The following DGKI variants were observed in gnomAD, a reference collection of about 807,000 sequenced individuals.
DGKI encodes the protein diacylglycerol kinase iota.
A neutral mutation model predicts 147.5 loss-of-function variants in DGKI; 55 were observed. The observed-to-expected ratio is 0.37, with a 90% CI of 0.30 to 0.47. DGKI has a LOEUF of 0.47. DGKI is among the 20% of genes least tolerant of loss of function. DGKI has a pLI of 1.00. For synonymous variants in DGKI, 469 were observed against 477.1 expected (o/e 0.98, Z 0.22); for missense variants, 1,007 against 1,323.8 (o/e 0.76, Z 3.71).
intron 27 of DGKI, among the ~76,000 whole-genome samples, chr7:137,445,341 A>T (rs993154266): frequency 7.9e-5 from 12 of 152,182 alleles, no homozygotes; most frequent in African/African-American, 2.7e-4. Context: ...CTTAAAGTAG[A>T]CTTTTTCATG....
chr7:137,747,647 C>T (rs1404327658), intron 1 of DGKI, among the ~76,000 whole-genome samples: 1 of 152,146 alleles, frequency 6.6e-6, no homozygotes, highest in South Asian at 2.1e-4. Flanking sequence ...ACCCTTCATT[C>T]CTTCCTTGCT....
At chr7:137,721,016 G>A (rs1010340182) in intron 1 of DGKI, among the ~76,000 whole-genome samples, 4 of 152,136 alleles carry the variant, frequency 2.6e-5, no homozygotes, top group Non-Finnish European at 4.4e-5. Flanking sequence ...ACAAATCATA[G>A]GATACCTTTT....
chr7:137,538,244 A>G (rs1381447732), intron 20 of DGKI, among the ~76,000 whole-genome samples: 1 of 152,196 alleles, frequency 6.6e-6, no homozygotes, highest in African/African-American at 2.4e-5. Flanking sequence ...AAATTCTTAA[A>G]CTCAACCTAA....
intron 12 of DGKI, among the ~76,000 whole-genome samples, chr7:137,590,156 T>G (rs1434177058): frequency 1.3e-5 from 2 of 152,362 alleles, no homozygotes; most frequent in Admixed American, 1.3e-4. Flanking sequence ...GCTGGGATTT[T>G]GGCTTGCCTG....
At chr7:137,623,976 A>G (rs768770427) in intron 6 of DGKI, among the ~76,000 whole-genome samples, 2 of 152,178 alleles carry the variant, frequency 1.3e-5, no homozygotes, top group African/African-American at 4.8e-5. Flanking sequence ...CAGAAAAAAA[A>G]AAAGAAATGA....
chr7:137,504,391 T>C (rs1232428866), intron 21 of DGKI, among the ~76,000 whole-genome samples: 1 of 152,170 alleles, frequency 6.6e-6, no homozygotes, highest in African/African-American at 2.4e-5. Context: ...TGTGATACCT[T>C]AGAGAAAAGC....
chr7:137,444,454 G>A (rs957165401), intron 27 of DGKI, among the ~76,000 whole-genome samples: 36 of 152,282 alleles, frequency 2.4e-4, no homozygotes, highest in African/African-American at 7.5e-4. Flanking sequence ...TCCAGCCAGG[G>A]ATATAAAAAA....
intron 21 of DGKI, among the ~76,000 whole-genome samples, chr7:137,517,874 G>A (rs1488582434): frequency 6.6e-6 from 1 of 152,076 alleles, no homozygotes; most frequent in Non-Finnish European, 1.5e-5. Flanking sequence ...GTTTACACAA[G>A]TAGACACAAT....
intron 1 of DGKI, among the ~76,000 whole-genome samples, chr7:137,819,153 C>T (rs150176031): frequency 6.6e-6 from 1 of 152,214 alleles, no homozygotes; most frequent in African/African-American, 2.4e-5. Context: ...GCTCCACTCC[C>T]TGCTTGATGC....
At chr7:137,635,827 C>T (rs1821290144) in intron 6 of DGKI, among the ~76,000 whole-genome samples, 1 of 152,212 alleles carries the variant, frequency 6.6e-6, no homozygotes, top group African/African-American at 2.4e-5. Context: ...GAGAAAGTAA[C>T]AGTGGCTATG....
chr7:137,766,198 G>C (rs1032343416), intron 1 of DGKI, among the ~76,000 whole-genome samples: 2 of 152,118 alleles, frequency 1.3e-5, no homozygotes, highest in Non-Finnish European at 2.9e-5. Flanking sequence ...GAACCCTCCC[G>C]TTATTCTGAG....
chr7:137,777,368 G>C (rs1796393291), intron 1 of DGKI, among the ~76,000 whole-genome samples: 2 of 152,026 alleles, frequency 1.3e-5, no homozygotes, highest in African/African-American at 4.8e-5. Context: ...TCCATAAAAA[G>C]TATGCAATGC....
At chr7:137,830,650 T>C (rs1798191757) in intron 1 of DGKI, among the ~76,000 whole-genome samples, 1 of 152,304 alleles carries the variant, frequency 6.6e-6, no homozygotes, top group African/African-American at 2.4e-5. Flanking sequence ...AAAGTGGAGA[T>C]GGTGCAGTCT....
chr7:137,758,417 G>T (rs1190546181), intron 1 of DGKI, among the ~76,000 whole-genome samples: 2 of 152,200 alleles, frequency 1.3e-5, no homozygotes, highest in Non-Finnish European at 2.9e-5. Context: ...CATGTGCGGT[G>T]GCTTACACCT....
intron 21 of DGKI, among the ~76,000 whole-genome samples, chr7:137,512,923 A>T (rs913790515): frequency 6.6e-6 from 1 of 152,170 alleles, no homozygotes; most frequent in African/African-American, 2.4e-5. Context: ...AAAGACATAG[A>T]GTAGGCTCAT....
At chr7:137,430,154 C>G (rs1956073407) in intron 28 of DGKI, among the ~76,000 whole-genome samples, 1 of 141,454 alleles carries the variant, frequency 7.1e-6, no homozygotes, top group Non-Finnish European at 1.5e-5. Context: ...GGAAGCAACC[C>G]AAATGTCCAA....
chr7:137,558,519 C>G (rs1327821400), intron 19 of DGKI, among the ~76,000 whole-genome samples: 1 of 152,140 alleles, frequency 6.6e-6, no homozygotes, highest in Non-Finnish European at 1.5e-5. Context: ...CTCAGGTGAT[C>G]CACCCACCTT....
At chr7:137,678,703 G>A (rs1289997357) in intron 2 of DGKI, 51 bp from the exon 3 acceptor site, 5 of 1,509,282 alleles carry the variant, frequency 3.3e-6, no homozygotes, top group Non-Finnish European at 3.7e-6. Context: ...CAGGGATAAG[G>A]AAAACTATTT....
At chr7:137,543,643 A>G (rs1817772550) in intron 20 of DGKI, among the ~76,000 whole-genome samples, 1 of 152,292 alleles carries the variant, frequency 6.6e-6, no homozygotes, top group African/African-American at 2.4e-5. Context: ...CATCTGTAAA[A>G]AAGAGTTGTT....
Sources: allele counts gnomAD v4.1 joint callset (sites outside exome capture counted in the v4.1 genomes callset), GRCh38; gene constraint gnomAD v4.1.1; transcripts MANE v1.5; gene names NCBI Gene and HGNC (gene_info 2026-07-23, HGNC 2026-07-21).